MAX: variants seen among roughly 807,000 people sequenced by gnomAD.
MAX encodes the protein MYC associated transcriptional regulator X.
Under a neutral mutation model 22.3 loss-of-function variants are expected in MAX, and 3 were observed. The ratio of observed to expected loss-of-function variants is 0.13; its 90% CI spans 0.06 to 0.35. The LOEUF is 0.35. Among genes scored for constraint, MAX ranks in the 10% least tolerant of loss-of-function variants. The pLI, the probability that MAX is intolerant of heterozygous loss-of-function variation, is 1.00. For missense variants in MAX, 119 were observed against 209.4 expected (o/e 0.57, Z 2.66); for synonymous variants, 72 against 77.7 (o/e 0.93, Z 0.39).
chr14:65,101,581 A>G lies in MAX; in HGVS notation c.37-9T>C. 3 of 1,590,698 alleles carry G rather than the reference A, an allele frequency of 1.9e-6. No homozygotes were observed. Among genetic ancestry groups the G allele is most frequent in the Non-Finnish European group, 2.6e-6 (3 of 1,161,716 alleles). On this transcript the variant is annotated splice_polypyrimidine_tract_variant and intron_variant, in intron 1 of 4. Coordinates refer to ENST00000358664, the MANE Select transcript of MAX (RefSeq NM_002382.5). ...AACCTCGGTTGCTCTTCCTGGAATAAGAGAGAAAAAAAAAAATAGAAAATA... is the reference window on the plus strand; with the variant it reads ...AACCTCGGTTGCTCTTCCTGGAATAGGAGAGAAAAAAAAAAATAGAAAATA...
At chr14:65,006,192 A>G (rs2061586314) in exon 4 of MAX, 1 of 1,608,906 alleles carries the variant, frequency 6.2e-7, no homozygotes, top group Admixed American at 1.7e-5. Flanking sequence ...TTCCTTAAGA[A>G]ACTTTTTCTG....
intron 3 of MAX, among the ~76,000 whole-genome samples, chr14:65,026,872 AC>A (rs200377264): frequency 5.9e-5 from 9 of 152,136 alleles, no homozygotes; most frequent in South Asian, 2.1e-4. Flanking sequence ...AAAAAAAAAA[AC>A]AAAAAAACAA....
At chr14:65,073,009 C>T (rs1490187896), downstream of MAX, among the ~76,000 whole-genome samples, 1 of 152,176 alleles carries the variant, frequency 6.6e-6, no homozygotes, top group Admixed American at 6.5e-5. Context: ...CTTTTTCCAC[C>T]TTGCTGAGTC....
intron 3 of MAX, among the ~76,000 whole-genome samples, chr14:65,037,740 T>A (rs2062237330): frequency 5.8e-5 from 3 of 51,724 alleles, no homozygotes; most frequent in South Asian, 1.3e-3. Flanking sequence ...TTTATTTATT[T>A]ATTATTTATT....
intron 3 of MAX, among the ~76,000 whole-genome samples, chr14:65,086,725 T>C (rs1220165796): frequency 6.6e-6 from 1 of 152,230 alleles, no homozygotes; most frequent in Non-Finnish European, 1.5e-5. Context: ...AGAAAATTTG[T>C]AGCCTGACAA....
intron 3 of MAX, among the ~76,000 whole-genome samples, chr14:65,056,741 C>G (rs2062745087): frequency 6.6e-6 from 1 of 152,176 alleles, no homozygotes. Flanking sequence ...AATCTTCTAT[C>G]AGTTACATGT....
downstream of MAX, among the ~76,000 whole-genome samples, chr14:65,071,318 ATT>A (rs1401594354): frequency 6.6e-6 from 1 of 151,982 alleles, no homozygotes; most frequent in African/African-American, 2.4e-5. This position sits in a 1 kb window ranked among gnomAD's most constrained non-coding sequence, Gnocchi z 4.2. Flanking sequence ...ATTTTTTTGT[ATT>A]TTTAGTAGAG....
Position 65,012,079 on chromosome 14 carries a change from C to T in MAX, c.172-5795G>A, listed in dbSNP as rs551878482. The T allele has an allele frequency of 2.7e-5, 13 of 473,256 alleles. No homozygotes were observed. Among genetic ancestry groups the T allele is most frequent in the Non-Finnish European group, 4.7e-5 (12 of 257,852 alleles). 29.3% of individuals were successfully genotyped at this position (473,256 alleles called of 1,614,324 possible). A position where few individuals can be genotyped will look rare whatever the true frequency, so the allele number is the denominator to read the frequency against. On this transcript the variant is annotated intron_variant, in intron 3 of 3. Transcript: ENST00000341653. This position sits in a 1 kb window ranked among gnomAD's most constrained non-coding sequence, Gnocchi z 5.0. ...AAAGTCACTGCCTTTAGGAGACAAT[C>T]GCACTCTAAATGTCAGCTGGCATGG... is the stretch of plus-strand genomic sequence containing the variant.
At chr14:65,042,640 T>C (rs1391385048) in intron 3 of MAX, among the ~76,000 whole-genome samples, 2 of 152,234 alleles carry the variant, frequency 1.3e-5, no homozygotes, top group African/African-American at 4.8e-5. Context: ...TAATCCAGAC[T>C]ACTCCCTTCC....
chr14:65,070,357 AGCC>A (rs2062973753), downstream of MAX, among the ~76,000 whole-genome samples: 1 of 152,110 alleles, frequency 6.6e-6, no homozygotes, highest in African/African-American at 2.4e-5. This position sits in a 1 kb window ranked among gnomAD's most constrained non-coding sequence, Gnocchi z 4.4. Flanking sequence ...CTTCTTCTCT[AGCC>A]TTTAATTTAC....
At chr14:65,041,400 C>A (rs1034790925) in intron 3 of MAX, among the ~76,000 whole-genome samples, 3 of 152,168 alleles carry the variant, frequency 2.0e-5, no homozygotes, top group South Asian at 4.1e-4. Flanking sequence ...CTGGACCCCA[C>A]GCTCCTGGCC....
chr14:65,044,784 C>T lies in MAX; in HGVS notation c.172-38500G>A, dbSNP rs906037679. 3 of 268,364 alleles carry T rather than the reference C, an allele frequency of 1.1e-5. No individual in the cohort carries two copies. The highest frequency in any genetic ancestry group is 2.2e-4 in the East Asian group (2 of 8,946). The allele number at this position is 268,364 out of a possible 1,614,324, so 16.6% of individuals were successfully genotyped here. Reference sequence around the variant, plus strand: ...GGCTCTGTGGTGATTGCCACCTCCTCTGGGTGCAGGGCAGAGCTGAAAACC... The same window carrying T: ...GGCTCTGTGGTGATTGCCACCTCCTTTGGGTGCAGGGCAGAGCTGAAAACC... On this transcript the variant is annotated intron_variant, in intron 3 of 3. Transcript: ENST00000341653. The surrounding 1 kb of genome is among the most constrained non-coding windows in gnomAD (Gnocchi z 5.5).
intron 3 of MAX, among the ~76,000 whole-genome samples, chr14:65,053,009 G>A (rs916698915): frequency 6.6e-6 from 1 of 152,204 alleles, no homozygotes; most frequent in African/African-American, 2.4e-5. Context: ...TGCATTTCAA[G>A]AAAGTGAAAG....
Position 65,023,779 on chromosome 14 carries a change from A to T in MAX, c.172-17495T>A, listed in dbSNP as rs1005238702. 6.6e-6 allele frequency among the ~76,000 whole-genome samples: 1 copy of T among 152,190 alleles called. No homozygotes were observed. Among genetic ancestry groups the T allele is most frequent in the Non-Finnish European group, 1.5e-5 (1 of 68,042 alleles). On this transcript the variant is annotated intron_variant, in intron 3 of 3. Coordinates refer to the MAX transcript ENST00000341653. The surrounding 1 kb of genome is among the most constrained non-coding windows in gnomAD (Gnocchi z 4.1). ...AAAATGTGGTCCCCAGACCAGGAGCATTGCTATCACCTGGGAACTTATTAG... is the reference window on the plus strand; with the variant it reads ...AAAATGTGGTCCCCAGACCAGGAGCTTTGCTATCACCTGGGAACTTATTAG...
chr14:65,014,909 T>C lies in MAX; in HGVS notation c.172-8625A>G, dbSNP rs2061741757. Among the ~76,000 whole-genome samples, 2 of 152,266 alleles carry C rather than the reference T, an allele frequency of 1.3e-5. No individual in the cohort carries two copies. Among genetic ancestry groups the C allele is most frequent in the Middle Eastern group, 3.4e-3 (1 of 294 alleles). On this transcript the variant is annotated intron_variant, in intron 3 of 3. Coordinates refer to the MAX transcript ENST00000341653. This position sits in a 1 kb window ranked among gnomAD's most constrained non-coding sequence, Gnocchi z 5.1. ...TAGATACTATCAAATATTTGTTGAA[T>C]CAGTGATTGAGTTAAGCTAGGAAAT...
chr14:65,037,744 ATTT>A (rs1566562811), intron 3 of MAX, among the ~76,000 whole-genome samples: 4 of 59,008 alleles, frequency 6.8e-5, no homozygotes, highest in South Asian at 4.8e-4. Flanking sequence ...TTTATTTATT[ATTT>A]ATTTATTTAT....
chr14:65,059,705 A>G (rs926646820), intron 3 of MAX, among the ~76,000 whole-genome samples: 1 of 152,012 alleles, frequency 6.6e-6, no homozygotes, highest in Non-Finnish European at 1.5e-5. Flanking sequence ...TGTCAAATCT[A>G]AAGTTTCTTT....
rs1230046915 is a variant in MAX at position 65,088,774 on chromosome 14, G to A, written c.171+4934C>T. Among the ~76,000 whole-genome samples the A allele has an allele frequency of 2.6e-5, 4 of 152,284 alleles. No homozygotes were observed. Among genetic ancestry groups the A allele is most frequent in the African/African-American group, 9.6e-5 (4 of 41,548 alleles). ...TTCACGGTACTTATTGTAGTGTAGT[G>A]CCAGCAGACAGTCATTTAATAATCA... On this transcript the variant is annotated intron_variant, in intron 3 of 4. Transcript: ENST00000358664. This position sits in a 1 kb window ranked among gnomAD's most constrained non-coding sequence, Gnocchi z 5.2.
Position 65,023,088 on chromosome 14 carries a change from C to T in MAX, c.172-16804G>A, listed in dbSNP as rs1595043174. On this transcript the variant is annotated intron_variant, in intron 3 of 3. Coordinates refer to the MAX transcript ENST00000341653. The surrounding 1 kb of genome is among the most constrained non-coding windows in gnomAD (Gnocchi z 4.1). ...TGATTAATTGATTGAGACAGGGTCTCACTCTATTGTCTGGGCTGGAATGCA... is the reference window on the plus strand; with the variant it reads ...TGATTAATTGATTGAGACAGGGTCTTACTCTATTGTCTGGGCTGGAATGCA... Among the ~76,000 whole-genome samples the T allele has an allele frequency of 6.6e-6, 1 of 152,290 alleles. No individual in the cohort carries two copies. Among genetic ancestry groups the T allele is most frequent in the Non-Finnish European group, 1.5e-5 (1 of 68,024 alleles).
Sources: gnomAD v4.1 joint callset for allele counts (sites outside exome capture counted in the v4.1 genomes callset) on GRCh38, gnomAD v4.1.1 for gene constraint, Gnocchi (gnomAD v3.1) non-coding constraint, MANE v1.5 for transcripts, NCBI Gene and HGNC (gene_info 2026-07-23, HGNC 2026-07-21) for gene names.